The following TMEM232 variants were observed in gnomAD, a reference collection of about 807,000 sequenced individuals.
TMEM232 encodes transmembrane protein 232.
Under a neutral mutation model 78.8 loss-of-function variants are expected in TMEM232, and 80 were observed. That is an observed-to-expected ratio of 1.01 (90% CI 0.85 to 1.22). The LOEUF is 1.22. Among genes scored for constraint, TMEM232 ranks in the 50% most tolerant of loss-of-function variants. TMEM232 has a pLI of 0.00. For synonymous variants in TMEM232, 297 were observed against 254.3 expected (o/e 1.17, Z -1.60); for missense variants, 881 against 742.2 (o/e 1.19, Z -2.17).
chr5:110,728,526 G>C (rs1798369349), upstream of TMEM232, among the ~76,000 whole-genome samples: 1 of 151,502 alleles, frequency 6.6e-6, no homozygotes, highest in Non-Finnish European at 1.5e-5. Context: ...TATAACCTTA[G>C]AGTCACAATA....
intron 1 of TMEM232, among the ~76,000 whole-genome samples, chr5:110,685,537 ACT>A (rs1176362248): frequency 6.6e-6 from 1 of 152,028 alleles, no homozygotes; most frequent in African/African-American, 2.4e-5. Flanking sequence ...GAACAATGAA[ACT>A]CTAATATGTT....
chr5:110,441,018 T>C (rs748011112), intron 12 of TMEM232, among the ~76,000 whole-genome samples: 1 of 152,136 alleles, frequency 6.6e-6, no homozygotes, highest in Non-Finnish European at 1.5e-5. Context: ...TCATTTTGAC[T>C]GAGGAAGGAA....
intron 11 of TMEM232, among the ~76,000 whole-genome samples, chr5:110,560,323 T>TGGC (rs1775595779): frequency 1.3e-5 from 2 of 152,126 alleles, no homozygotes; most frequent in Non-Finnish European, 2.9e-5. Context: ...AGCCATTTCA[T>TGGC]ATGGGCCAAC....
intron 7 of TMEM232, among the ~76,000 whole-genome samples, chr5:110,620,603 C>A (rs1305297184): frequency 3.0e-5 from 4 of 134,456 alleles, no homozygotes; most frequent in African/African-American, 1.3e-4. Context: ...CTCTCTCTCT[C>A]TCTCTCTCTC....
intron 10 of TMEM232, among the ~76,000 whole-genome samples, chr5:110,570,636 G>A (rs1561709008): frequency 6.6e-6 from 1 of 151,960 alleles, no homozygotes; most frequent in Non-Finnish European, 1.5e-5. Flanking sequence ...ATTTCAAATG[G>A]AAGGATATCT....
Position 110,631,984 on chromosome 5 carries a change from C to T in TMEM232, c.502-4104G>A, listed in dbSNP as rs555350306. Among the ~76,000 whole-genome samples the T allele has an allele frequency of 3.3e-5, 5 of 151,922 alleles. No individual in the cohort carries two copies. The South Asian group carries it at 1.0e-3, about 32-fold the overall frequency. On this transcript the variant is annotated intron_variant, in intron 5 of 13. Transcript: ENST00000455884. ...AATACCAGAGCAAGTATCTTGTATG[C>T]TGGGGTACAAGAACAGGCATACTCA...
intron 11 of TMEM232, among the ~76,000 whole-genome samples, chr5:110,544,156 G>C (rs1306307890): frequency 6.6e-6 from 1 of 151,646 alleles, no homozygotes; most frequent in Non-Finnish European, 1.5e-5. Flanking sequence ...AAAAATTCAG[G>C]GTTTCCTTTT....
chr5:110,658,518 T>C (rs1242626480), intron 2 of TMEM232, among the ~76,000 whole-genome samples: 1 of 152,098 alleles, frequency 6.6e-6, no homozygotes, highest in Non-Finnish European at 1.5e-5. Context: ...CAGAGAGCCA[T>C]TTAGAAGAAA....
intron 11 of TMEM232, among the ~76,000 whole-genome samples, chr5:110,546,980 GA>G (rs561734374): frequency 8.7e-5 from 13 of 148,790 alleles, no homozygotes; most frequent in East Asian, 2.0e-4. Flanking sequence ...AAGAGAAAGA[GA>G]AAAAAAAACA....
chr5:110,700,561 G>C (rs1218621228), intron 1 of TMEM232, among the ~76,000 whole-genome samples: 1 of 151,960 alleles, frequency 6.6e-6, no homozygotes, highest in Non-Finnish European at 1.5e-5. Context: ...ACATCTAAAT[G>C]TGTCTGTTAT....
At chr5:110,693,400 T>C (rs1794375219) in intron 1 of TMEM232, among the ~76,000 whole-genome samples, 1 of 152,124 alleles carries the variant, frequency 6.6e-6, no homozygotes. Flanking sequence ...AGAGTGCCTC[T>C]CCTCCTCCAA....
intron 12 of TMEM232, among the ~76,000 whole-genome samples, chr5:110,426,512 G>T (rs953884724): frequency 1.3e-5 from 2 of 152,018 alleles, no homozygotes; most frequent in South Asian, 2.1e-4. Context: ...TGTGTTAGTG[G>T]AGTAGTATCC....
chr5:110,559,480 A>G (rs1775505086), intron 11 of TMEM232, among the ~76,000 whole-genome samples: 1 of 152,180 alleles, frequency 6.6e-6, no homozygotes. Context: ...CCACAAATTA[A>G]AAAGTAAAAA....
chr5:110,389,414 G>A (rs1755098696), intron 4 of TMEM232, among the ~76,000 whole-genome samples: 1 of 152,092 alleles, frequency 6.6e-6, no homozygotes, highest in Non-Finnish European at 1.5e-5. Flanking sequence ...TCCTAACACT[G>A]GCAAAAACCA....
chr5:110,500,797 G>C (rs754011452), intron 12 of TMEM232, among the ~76,000 whole-genome samples: 3 of 152,164 alleles, frequency 2.0e-5, no homozygotes, highest in Non-Finnish European at 4.4e-5. Flanking sequence ...ATTCAGTATA[G>C]CAGACTTGTT....
intron 1 of TMEM232, among the ~76,000 whole-genome samples, chr5:110,688,796 A>G (rs560544230): frequency 2.0e-5 from 3 of 152,318 alleles, no homozygotes; most frequent in East Asian, 3.9e-4. Context: ...TGGCTGCTAA[A>G]TAAGATGGCT....
chr5:110,695,572 G>A (rs1448958379), intron 1 of TMEM232, among the ~76,000 whole-genome samples: 1 of 151,930 alleles, frequency 6.6e-6, no homozygotes, highest in Non-Finnish European at 1.5e-5. Context: ...TAATAAAGAA[G>A]AAAAGAGAGA....
Position 110,656,065 on chromosome 5 carries a change from AC to A in TMEM232, c.125+11162del, listed in dbSNP as rs201517158. ...AAACTTAAAGTATAATAAAAAAAAAACAATACTTTAATTGGCTGAGGTTAGA... is the reference window on the plus strand; with the variant it reads ...AAACTTAAAGTATAATAAAAAAAAAAAATACTTTAATTGGCTGAGGTTAGA... On this transcript the variant is annotated intron_variant, in intron 2 of 13. Coordinates refer to ENST00000455884, the MANE Select transcript of TMEM232 (RefSeq NM_001039763.4). 6.4e-3 allele frequency among the ~76,000 whole-genome samples: 969 copies of A among 151,222 alleles called. 18 individuals carry two copies. Among genetic ancestry groups the A allele is most frequent in the African/African-American group, 0.022 (895 of 40,854 alleles).
Position 110,622,763 on chromosome 5 carries a change from C to A in TMEM232, c.768+2504G>T, listed in dbSNP as rs1037232196. ...CTAGTTCTAGATCCCTGAGGAATTG[C>A]CACACTGACTTCCACAATGGTTGAA... On this transcript the variant is annotated intron_variant, in intron 7 of 13. Coordinates refer to ENST00000455884, the MANE Select transcript of TMEM232 (RefSeq NM_001039763.4). Among the ~76,000 whole-genome samples, 5 of 151,156 alleles carry A rather than the reference C, an allele frequency of 3.3e-5. No individual in the cohort carries two copies. The South Asian group carries it at 1.0e-3, about 32-fold the overall frequency.
Sources: allele counts gnomAD v4.1 joint callset (sites outside exome capture counted in the v4.1 genomes callset), GRCh38; gene constraint gnomAD v4.1.1; transcripts MANE v1.5; gene names NCBI Gene and HGNC (gene_info 2026-07-23, HGNC 2026-07-21).